Variants in SLC1A3 observed in about 807,000 individuals in gnomAD.
The protein encoded by SLC1A3 is excitatory amino acid transporter 1.
Under a neutral mutation model 48.1 loss-of-function variants are expected in SLC1A3, and 21 were observed. The observed-to-expected ratio is 0.44, with a 90% CI of 0.31 to 0.63. The LOEUF (loss-of-function observed/expected upper bound fraction) is 0.63, where lower values mean the gene tolerates loss of function less well. SLC1A3 is among the 20% of genes least tolerant of loss of function. The probability of loss-of-function intolerance (pLI) is 0.08; values close to 1 mark genes in which losing one functional copy is unlikely to be tolerated. For synonymous variants in SLC1A3, 239 were observed against 251.4 expected (o/e 0.95, Z 0.47); for missense variants, 546 against 689.0 (o/e 0.79, Z 2.32).
At chr5:36,618,162 C>A (rs2111706437) in intron 2 of SLC1A3, among the ~76,000 whole-genome samples, 2 of 152,320 alleles carry the variant, frequency 1.3e-5, no homozygotes, top group African/African-American at 4.8e-5. Context: ...TATCTCCCTG[C>A]TTCTAAAGCC....
chr5:36,608,171 A>C, intron 1 of SLC1A3, 158 bp from the exon 2 acceptor site: 1 of 483,922 alleles, frequency 2.1e-6, no homozygotes. Context: ...GGTCCACTAA[A>C]ATATGCACAC....
At chr5:36,624,775 T>C (rs1739835966) in intron 2 of SLC1A3, among the ~76,000 whole-genome samples, 1 of 152,050 alleles carries the variant, frequency 6.6e-6, no homozygotes, top group African/African-American at 2.4e-5. Context: ...TAATAAGCTT[T>C]ATATAAGTTT....
At chr5:36,602,559 T>C (rs1359894257), upstream of SLC1A3, among the ~76,000 whole-genome samples, 1 of 152,226 alleles carries the variant, frequency 6.6e-6, no homozygotes, top group African/African-American at 2.4e-5. Context: ...TAAATAATAA[T>C]TGATAACAAT....
At position 36,686,555 on chromosome 5, in the gene SLC1A3, C is replaced by A. The variant is rs952089070; in HGVS notation, c.*286C>A. 5 of 432,812 alleles carry A rather than the reference C, an allele frequency of 1.2e-5. No homozygotes were observed. Among genetic ancestry groups the A allele is most frequent in the Non-Finnish European group, 2.1e-5 (5 of 238,024 alleles). 26.8% of individuals were successfully genotyped at this position (432,812 alleles called of 1,614,324 possible). On this transcript the variant is annotated 3_prime_UTR_variant, in exon 10 of 10. Coordinates refer to ENST00000265113, the MANE Select transcript of SLC1A3 (RefSeq NM_004172.5). Reference sequence around the variant, plus strand: ...GATCAGATCTTACAAGTTTATGTGGCACACAATCCTATAAATGTGATTTTT... The same window carrying A: ...GATCAGATCTTACAAGTTTATGTGGAACACAATCCTATAAATGTGATTTTT...
intron 6 of SLC1A3, among the ~76,000 whole-genome samples, chr5:36,679,344 C>G (rs1455380970): frequency 6.6e-6 from 1 of 152,134 alleles, no homozygotes; most frequent in Non-Finnish European, 1.5e-5. Flanking sequence ...CTGCCTTTTC[C>G]CCCAGGTCTA....
chr5:36,682,763 G>C (rs558757616), intron 8 of SLC1A3, among the ~76,000 whole-genome samples: 3 of 152,236 alleles, frequency 2.0e-5, no homozygotes, highest in Admixed American at 6.5e-5. Context: ...AAGTTGCTCA[G>C]TACCTCCATG....
intron 9 of SLC1A3, among the ~76,000 whole-genome samples, chr5:36,685,773 C>A (rs1276243032): frequency 1.3e-5 from 2 of 152,144 alleles, no homozygotes; most frequent in Non-Finnish European, 1.5e-5. Context: ...CTGAGAGGGA[C>A]AAATGACATC....
At chr5:36,614,531 G>T (rs1221167198) in intron 2 of SLC1A3, among the ~76,000 whole-genome samples, 1 of 152,138 alleles carries the variant, frequency 6.6e-6, no homozygotes, top group Non-Finnish European at 1.5e-5. Flanking sequence ...CTGGCCTCCT[G>T]AGCAGAACCA....
chr5:36,655,843 T>C (rs1449901034), intron 3 of SLC1A3, among the ~76,000 whole-genome samples: 1 of 152,210 alleles, frequency 6.6e-6, no homozygotes, highest in Admixed American at 6.5e-5. Context: ...TCCAAGGGTG[T>C]TTGAGATTCC....
At chr5:36,599,139 A>G (rs1579931335) in intron 1 of SLC1A3, among the ~76,000 whole-genome samples, 1 of 152,206 alleles carries the variant, frequency 6.6e-6, no homozygotes, top group South Asian at 2.1e-4. Flanking sequence ...AGTGATTACC[A>G]TATTGGGCAG....
At chr5:36,658,845 A>T (rs1279674509) in intron 3 of SLC1A3, among the ~76,000 whole-genome samples, 2 of 152,186 alleles carry the variant, frequency 1.3e-5, no homozygotes, top group Non-Finnish European at 2.9e-5. Context: ...GACTTAAGAC[A>T]TCCATTAGTA....
intron 2 of SLC1A3, chr5:36,612,834 T>A (rs553922175): frequency 4.4e-5 from 20 of 456,140 alleles, no homozygotes; most frequent in South Asian, 2.9e-4. Flanking sequence ...AGGTGCTCAT[T>A]CACCACACTG....
intron 3 of SLC1A3, among the ~76,000 whole-genome samples, chr5:36,648,286 A>G (rs145232023): frequency 1.2e-3 from 190 of 152,338 alleles, no homozygotes; most frequent in African/African-American, 4.4e-3. Context: ...CTTAAGTTTC[A>G]GAAATTTAAC....
intron 2 of SLC1A3, among the ~76,000 whole-genome samples, chr5:36,622,427 A>G (rs142644430): frequency 1.9e-4 from 29 of 152,342 alleles, no homozygotes; most frequent in African/African-American, 6.3e-4. Flanking sequence ...GTAAAATTTT[A>G]CTATTTCAAA....
chr5:36,674,914 C>A (rs575281656), intron 5 of SLC1A3, among the ~76,000 whole-genome samples: 1 of 152,286 alleles, frequency 6.6e-6, no homozygotes, highest in South Asian at 2.1e-4. Context: ...GTTGCAGATA[C>A]AAATACCTTT....
chr5:36,648,767 C>T (rs778832223), intron 3 of SLC1A3, among the ~76,000 whole-genome samples: 66 of 152,290 alleles, frequency 4.3e-4, no homozygotes, highest in Middle Eastern at 6.9e-3. Flanking sequence ...CAACTACATA[C>T]ATTGTGAAGA....
Position 36,651,392 on chromosome 5 carries a change from A to T in SLC1A3, c.320-19637A>T, listed in dbSNP as rs377637307. Among the ~76,000 whole-genome samples, 44 of 151,998 alleles carry T rather than the reference A, an allele frequency of 2.9e-4. 2 individuals are homozygous for T. The East Asian group carries it at 6.2e-3, about 21-fold the overall frequency. ...CAATCCAGGGTCTTGCTCTTTTCTT[A>T]CCTACTTTTTTTGCACAAAGGTAGC... On this transcript the variant is annotated intron_variant, in intron 3 of 9. Coordinates refer to ENST00000265113, the MANE Select transcript of SLC1A3 (RefSeq NM_004172.5).
Position 36,629,455 on chromosome 5 carries a change from A to G in SLC1A3, c.187A>G (p.Ile63Val), listed in dbSNP as rs778250117. 1.9e-6 allele frequency: 3 copies of G among 1,610,348 alleles called. No individual in the cohort carries two copies. The highest frequency in any genetic ancestry group is 2.2e-5 in the East Asian group (1 of 44,792). The change falls in exon 3 of 10, where the codon ATC becomes GTC. Residue 63 changes from isoleucine to valine, a missense_variant. Around this residue, in one of 3 missense-constraint regions of SLC1A3, gnomAD observed 348 missense variants for 392.0 expected, o/e 0.89. Transcript: ENST00000265113. ...TTTTTTTTTTTTTCCTTCAGGTACAATCCTTGGATTTACCCTCCGACCATA... is the reference window on the plus strand; with the variant it reads ...TTTTTTTTTTTTTCCTTCAGGTACAGTCCTTGGATTTACCCTCCGACCATA... ...LTVTAVIVGT[I>V]LGFTLRPYRM...
In SLC1A3 at chr5:36,677,165, C is replaced by T. The variant is rs780281944; in HGVS notation, c.841C>T (p.Leu281=). ...FDSLNEAIMR[L]VAVIMWYAPV... ...TTCTCTTAACGAAGCCATCATGAGA[C>T]TGGTAGCAGTAATAATGTGGTATGT... Residue 281 remains leucine, a synonymous_variant, in exon 6 of 10, where the codon CTG becomes TTG. Transcript: ENST00000265113. 163 of 1,613,582 alleles carry T rather than the reference C, an allele frequency of 1.0e-4. No homozygotes were observed. In the Admixed American group the frequency reaches 2.6e-3, roughly 26 times the overall value.
Sources: gnomAD v4.1 joint callset for allele counts (sites outside exome capture counted in the v4.1 genomes callset) on GRCh38, gnomAD v4.1.1 for gene constraint, gnomAD v4.1.1 regional missense constraint, MANE v1.5 for transcripts, NCBI Gene and HGNC (gene_info 2026-07-23, HGNC 2026-07-21) for gene names.